DOCK2: variants seen among roughly 807,000 people sequenced by gnomAD.
The protein encoded by DOCK2 is dedicator of cytokinesis protein 2.
DOCK2 carries 87 observed loss-of-function variants against 248.9 expected under a neutral mutation model. That is an observed-to-expected ratio of 0.35 (90% CI 0.29 to 0.42). The LOEUF (loss-of-function observed/expected upper bound fraction) is 0.42, where lower values mean the gene tolerates loss of function less well. Ranked by LOEUF, DOCK2 falls within the 10% of genes least tolerant of loss-of-function variation. The pLI is 1.00. For missense variants in DOCK2, 1,747 were observed against 2,300.2 expected, an observed-to-expected ratio of 0.76 and a Z score of 4.92; for synonymous variants, 805 against 821.6, an observed-to-expected ratio of 0.98 and a Z score of 0.35.
At chr5:169,685,966 C>T (rs1287966042) in intron 8 of DOCK2, among the ~76,000 whole-genome samples, 2 of 152,184 alleles carry the variant, frequency 1.3e-5, no homozygotes, top group Non-Finnish European at 2.9e-5. Flanking sequence ...TGGTTTTCAC[C>T]AGGGTTTCAG....
chr5:170,008,866 CTG>C (rs1023495495), intron 32 of DOCK2, 120 bp downstream of exon 32: 10 of 1,205,806 alleles, frequency 8.3e-6, no homozygotes, highest in African/African-American at 3.0e-5. Context: ...CAGTTCATTA[CTG>C]TGTGTACCCC....
rs1042412041 is a variant in DOCK2, at chr5:170,069,228, A to G, written c.4728+8A>G. On this transcript the variant is annotated splice_region_variant and intron_variant, in intron 46 of 51. Coordinates refer to ENST00000520908, the MANE Select transcript of DOCK2 (RefSeq NM_004946.3). ...GACCTGATTGCATGGCAGGTGAGGCAGCGCTGGCCAGGGGAGCATGCTGCT... is the reference window on the plus strand; with the variant it reads ...GACCTGATTGCATGGCAGGTGAGGCGGCGCTGGCCAGGGGAGCATGCTGCT... 6.2e-7 allele frequency: 1 copy of G among 1,613,334 alleles called. No individual in the cohort carries two copies. Among genetic ancestry groups the G allele is most frequent in the African/African-American group, 1.3e-5 (1 of 75,028 alleles).
At position 169,973,896 on chromosome 5, in the gene DOCK2, A is replaced by G. The variant is rs183818186; in HGVS notation, c.2800-9172A>G. Among the ~76,000 whole-genome samples the G allele has an allele frequency of 7.1e-3, 1,081 of 152,268 alleles. 11 individuals carry two copies. Among genetic ancestry groups the G allele is most frequent in the African/African-American group, 0.025 (1,025 of 41,538 alleles). On this transcript the variant is annotated intron_variant, in intron 27 of 51. Transcript: ENST00000520908. Reference sequence around the variant, plus strand: ...CATTCATTCATCTGTTAATTTATCCATCTGTCCATCCGTCCATCATCCATT... The same window carrying G: ...CATTCATTCATCTGTTAATTTATCCGTCTGTCCATCCGTCCATCATCCATT...
At chr5:169,849,849 A>G (rs1770527594) in intron 27 of DOCK2, among the ~76,000 whole-genome samples, 1 of 152,112 alleles carries the variant, frequency 6.6e-6, no homozygotes, top group African/African-American at 2.4e-5. Context: ...CTTCCTTCCC[A>G]TTGAGATCGC....
At chr5:169,657,635 G>A (rs1370590838) in intron 2 of DOCK2, among the ~76,000 whole-genome samples, 7 of 152,288 alleles carry the variant, frequency 4.6e-5, no homozygotes, top group South Asian at 4.1e-4. Flanking sequence ...GTCATATTTG[G>A]TTGACATCTT....
chr5:169,891,118 A>G (rs758675704), intron 27 of DOCK2, among the ~76,000 whole-genome samples: 1 of 152,044 alleles, frequency 6.6e-6, no homozygotes, highest in African/African-American at 2.4e-5. Context: ...TTTCTGTGAC[A>G]TGGTCCCTGG....
intron 44 of DOCK2, among the ~76,000 whole-genome samples, chr5:170,063,797 G>A (rs1454679831): frequency 6.6e-6 from 1 of 152,114 alleles, no homozygotes; most frequent in Non-Finnish European, 1.5e-5. Context: ...ATATACAATG[G>A]GTCCAATTTC....
intron 27 of DOCK2, among the ~76,000 whole-genome samples, chr5:169,857,857 G>A (rs889244868): frequency 6.6e-6 from 1 of 152,058 alleles, no homozygotes; most frequent in Non-Finnish European, 1.5e-5. Context: ...TAACTTGAAT[G>A]CAGATATTCT....
At chr5:169,937,934 A>C (rs1468980005) in intron 27 of DOCK2, among the ~76,000 whole-genome samples, 1 of 152,140 alleles carries the variant, frequency 6.6e-6, no homozygotes, top group Non-Finnish European at 1.5e-5. Flanking sequence ...CATCCTCTCC[A>C]GGCCTTTGCA....
intron 27 of DOCK2, among the ~76,000 whole-genome samples, chr5:169,952,079 G>A (rs965954379): frequency 2.0e-5 from 3 of 152,166 alleles, no homozygotes; most frequent in African/African-American, 7.2e-5. Flanking sequence ...AGCCCCAAGG[G>A]TTTCTCCTAC....
intron 25 of DOCK2, among the ~76,000 whole-genome samples, chr5:169,762,065 T>C (rs1321012118): frequency 6.6e-6 from 1 of 152,216 alleles, no homozygotes; most frequent in South Asian, 2.1e-4. Context: ...GAATTAACAT[T>C]TTTTAAAGTT....
intron 23 of DOCK2, among the ~76,000 whole-genome samples, chr5:169,755,822 A>G (rs1581144764): frequency 6.6e-6 from 1 of 152,236 alleles, no homozygotes; most frequent in Non-Finnish European, 1.5e-5. Context: ...CATGTAACAT[A>G]TGGAGTCTCC....
At chr5:169,860,893 A>G (rs1771157064) in intron 27 of DOCK2, among the ~76,000 whole-genome samples, 1 of 152,172 alleles carries the variant, frequency 6.6e-6, no homozygotes, top group South Asian at 2.1e-4. Context: ...TTAATAAGAT[A>G]TTTTTATTTC....
At chr5:170,067,100 CCTA>C (rs1415513169) in intron 44 of DOCK2, among the ~76,000 whole-genome samples, 2 of 152,182 alleles carry the variant, frequency 1.3e-5, no homozygotes, top group Non-Finnish European at 2.9e-5. Context: ...AGTCTTAGGA[CCTA>C]CTATGTGCCA....
At position 169,699,481 on chromosome 5, in the gene DOCK2, G is replaced by A. The variant is rs754452029; in HGVS notation, c.1132+23G>A. ...AAGGTAAAGTGCCAATATGCCAGTG[G>A]GCTGAGCCTGCTCCAGCTTGGGAGC... On this transcript the variant is annotated intron_variant, in intron 12 of 51. Coordinates refer to ENST00000520908, the MANE Select transcript of DOCK2 (RefSeq NM_004946.3). 4 of 1,601,412 alleles carry A rather than the reference G, an allele frequency of 2.5e-6. No homozygotes were observed. In the South Asian group the frequency reaches 4.4e-5, roughly 18 times the overall value.
intron 41 of DOCK2, among the ~76,000 whole-genome samples, chr5:170,053,288 T>C (rs79719277): frequency 1.5e-3 from 226 of 152,338 alleles, no homozygotes; most frequent in African/African-American, 5.0e-3. Context: ...TCTGCAAACT[T>C]TCTGGAAGGG....
intron 26 of DOCK2, 86 bp from the exon 27 acceptor site, chr5:169,840,671 T>G: frequency 8.3e-7 from 1 of 1,203,972 alleles, no homozygotes; most frequent in Admixed American, 1.9e-5. Context: ...GATCACCATG[T>G]CTGACCACTG....
intron 25 of DOCK2, among the ~76,000 whole-genome samples, chr5:169,789,031 C>G (rs150708348): frequency 5.9e-5 from 9 of 152,210 alleles, no homozygotes; most frequent in African/African-American, 1.2e-4. Context: ...AGGGTTGTTC[C>G]CCTCTGAGTG....
intron 23 of DOCK2, among the ~76,000 whole-genome samples, chr5:169,755,256 TAAA>T (rs373279840): frequency 0.011 from 1,683 of 152,246 alleles, 34 homozygotes; most frequent in African/African-American, 0.038. Flanking sequence ...GATTCCCACT[TAAA>T]AACCCTATAA....
Sources: gnomAD v4.1 joint callset for allele counts (sites outside exome capture counted in the v4.1 genomes callset) on GRCh38, gnomAD v4.1.1 for gene constraint, MANE v1.5 for transcripts, NCBI Gene and HGNC (gene_info 2026-07-23, HGNC 2026-07-21) for gene names.